PRXL2C: variants seen among roughly 807,000 people sequenced by gnomAD.
PRXL2C encodes peroxiredoxin-like 2C.
A neutral mutation model predicts 24.9 loss-of-function variants in PRXL2C; 38 were observed. The observed-to-expected ratio is 1.53, with a 90% CI of 1.18 to 2.00. PRXL2C has a LOEUF of 2.00. Among genes scored for constraint, PRXL2C ranks in the 30% most tolerant of loss-of-function variants. The probability of loss-of-function intolerance (pLI) is 0.00; values close to 1 mark genes in which losing one functional copy is unlikely to be tolerated. For synonymous variants in PRXL2C, 98 were observed against 117.2 expected, an observed-to-expected ratio of 0.84 and a Z score of 1.06; for missense variants, 294 against 290.9, an observed-to-expected ratio of 1.01 and a Z score of -0.08.
chr9:96,654,951 G>A (rs948299756), intron 1 of PRXL2C, 139 bp downstream of exon 1: 24 of 1,215,976 alleles, frequency 2.0e-5, no homozygotes, highest in African/African-American at 3.2e-5. Flanking sequence ...TCCCTGCCCC[G>A]CCCTAGTTGG....
chr9:96,644,183 C>T (rs182695822), intron 5 of PRXL2C, among the ~76,000 whole-genome samples: 45 of 148,118 alleles, frequency 3.0e-4, no homozygotes, highest in Admixed American at 9.4e-4. Flanking sequence ...ACTCATATAA[C>T]TCTTATAAGC....
chr9:96,649,128 C>T (rs1470996600), intron 4 of PRXL2C, among the ~76,000 whole-genome samples: 1 of 152,018 alleles, frequency 6.6e-6, no homozygotes, highest in Non-Finnish European at 1.5e-5. Context: ...TGTTACAGCA[C>T]ATGAAAACTG....
chr9:96,645,797 GAAAAA>G, intron 5 of PRXL2C, 91 bp downstream of exon 5: 14 of 1,106,234 alleles, frequency 1.3e-5, no homozygotes, highest in East Asian at 3.0e-5. Context: ...ACTCCCTCTC[GAAAAA>G]AAAAAAAAAG....
At chr9:96,653,840 GTT>G (rs532978133) in intron 2 of PRXL2C, among the ~76,000 whole-genome samples, 1 of 146,966 alleles carries the variant, frequency 6.8e-6, no homozygotes, top group African/African-American at 2.5e-5. Flanking sequence ...CTGTAGCACA[GTT>G]TTTTTTTTTT....
intron 2 of PRXL2C, among the ~76,000 whole-genome samples, 160 bp downstream of exon 2, chr9:96,654,545 G>T (rs1022711350): frequency 7.9e-5 from 12 of 152,224 alleles, no homozygotes; most frequent in Admixed American, 5.2e-4. Flanking sequence ...GGCAGAAATA[G>T]ATCTCTGACG....
In PRXL2C at chr9:96,641,288, T is replaced by C. The variant is rs1481486414; in HGVS notation, c.*471A>G. 1 of 152,242 alleles carries C rather than the reference T, an allele frequency of 6.6e-6. No homozygotes were observed. The highest frequency in any genetic ancestry group is 1.5e-5 in the Non-Finnish European group (1 of 68,072). The allele number at this position is 152,242 out of a possible 1,614,324, so 9.4% of individuals were successfully genotyped here. Reference sequence around the variant, plus strand: ...ACATTTTGGTGTTTATTTCCTGTCTTTTTCCAAAGCATACAAAAATACAAA... The same window carrying C: ...ACATTTTGGTGTTTATTTCCTGTCTCTTTCCAAAGCATACAAAAATACAAA... On this transcript the variant is annotated 3_prime_UTR_variant, in exon 6 of 6. Coordinates refer to ENST00000375234, the MANE Select transcript of PRXL2C (RefSeq NM_153698.2).
chr9:96,655,223 G>A lies in PRXL2C; in HGVS notation c.59C>T (p.Ala20Val), dbSNP rs1848338247. Residue 20 changes from alanine to valine, a missense_variant, in exon 1 of 6, where the codon GCC becomes GTC. Coordinates refer to ENST00000375234, the MANE Select transcript of PRXL2C (RefSeq NM_153698.2). ...QVSGAAALVP[A>V]PSGPDSGQPL... The stretch of plus-strand genomic sequence containing the variant: ...CTGCCCGCTGTCGGGGCCGCTCGGG[G>A]CCGGGACCAGGGCGGCGGCGCCGCT... 1 of 1,153,806 alleles carries A rather than the reference G, an allele frequency of 8.7e-7. No homozygotes were observed. The highest frequency in any genetic ancestry group is 1.6e-5 in the African/African-American group (1 of 61,502). The allele number at this position is 1,153,806 out of a possible 1,614,324, so 71.5% of individuals were successfully genotyped here.
At chr9:96,646,065 C>A in intron 4 of PRXL2C, 41 bp from the exon 5 acceptor site, 1 of 1,540,020 alleles carries the variant, frequency 6.5e-7, no homozygotes, top group South Asian at 1.2e-5. Context: ...ATTTTATATT[C>A]AATTTGATAT....
chr9:96,648,392 T>C (rs1848223727), intron 4 of PRXL2C, among the ~76,000 whole-genome samples: 3 of 152,162 alleles, frequency 2.0e-5, no homozygotes, highest in Non-Finnish European at 4.4e-5. Flanking sequence ...CAGTACTCCC[T>C]TGTATGTAAT....
At chr9:96,647,049 C>G in intron 4 of PRXL2C, among the ~76,000 whole-genome samples, 1 of 152,142 alleles carries the variant, frequency 6.6e-6, no homozygotes, top group African/African-American at 2.4e-5. Flanking sequence ...CTTGGCCTCC[C>G]AAAGTGCTGG....
rs186227903 is a variant in PRXL2C, at chr9:96,652,854, C to T, written c.262-1142G>A. ...AGTATGTTGAAGAGATATCTGCACT[C>T]CCATGTTTTATTACAGCATGATTCA... On this transcript the variant is annotated intron_variant, in intron 2 of 5. Coordinates refer to ENST00000375234, the MANE Select transcript of PRXL2C (RefSeq NM_153698.2). 2.0e-4 allele frequency among the ~76,000 whole-genome samples: 31 copies of T among 152,302 alleles called. 1 individual carries two copies. Among genetic ancestry groups the T allele is most frequent in the South Asian group, 4.2e-4 (2 of 4,818 alleles).
intron 5 of PRXL2C, among the ~76,000 whole-genome samples, chr9:96,645,623 C>T (rs1019764826): frequency 2.6e-5 from 4 of 151,750 alleles, no homozygotes; most frequent in Non-Finnish European, 5.9e-5. Flanking sequence ...CGGTGAAACC[C>T]CGTCTCTACT....
chr9:96,643,280 C>G (rs1203458747), intron 5 of PRXL2C, among the ~76,000 whole-genome samples: 1 of 152,064 alleles, frequency 6.6e-6, no homozygotes, highest in Non-Finnish European at 1.5e-5. Flanking sequence ...GTGTCTTGGT[C>G]TCTCGCCCAG....
At chr9:96,652,656 GA>G (rs1234370254) in intron 2 of PRXL2C, among the ~76,000 whole-genome samples, 7 of 152,118 alleles carry the variant, frequency 4.6e-5, no homozygotes, top group African/African-American at 1.4e-4. Context: ...TAAGATGCAA[GA>G]TAAGTGTTGG....
intron 5 of PRXL2C, among the ~76,000 whole-genome samples, chr9:96,645,003 T>C (rs1848173749): frequency 1.4e-5 from 2 of 143,112 alleles, no homozygotes; most frequent in Non-Finnish European, 3.0e-5. Context: ...GCCTCCCAGG[T>C]TCACGCCAGT....
At chr9:96,643,184 G>C (rs544706485) in intron 5 of PRXL2C, among the ~76,000 whole-genome samples, 3 of 152,298 alleles carry the variant, frequency 2.0e-5, no homozygotes, top group South Asian at 4.1e-4. Flanking sequence ...CATGGATGCT[G>C]AGGGATGACT....
intron 5 of PRXL2C, among the ~76,000 whole-genome samples, chr9:96,643,157 T>A (rs1848141327): frequency 6.6e-6 from 1 of 152,154 alleles, no homozygotes; most frequent in African/African-American, 2.4e-5. Flanking sequence ...CCACTGCAGG[T>A]CCAGGAACCA....
intron 4 of PRXL2C, among the ~76,000 whole-genome samples, chr9:96,650,386 G>C (rs184042151): frequency 4.6e-5 from 7 of 152,282 alleles, no homozygotes; most frequent in Non-Finnish European, 7.4e-5. Flanking sequence ...TACAACTCAA[G>C]TTTTCTAAGC....
Position 96,641,901 on chromosome 9 carries a change from G to T in PRXL2C, c.554-15C>A. The T allele has an allele frequency of 6.8e-7, 1 of 1,467,438 alleles. No homozygotes were observed. The highest frequency in any genetic ancestry group is 9.2e-7 in the Non-Finnish European group (1 of 1,090,028). 90.9% of individuals were successfully genotyped at this position (1,467,438 alleles called of 1,614,324 possible). ...GATGTTGTTACCTAGAAGAGAATAA[G>T]AATAAAAGGCTGAGGCATAGTATTA... On this transcript the variant is annotated splice_polypyrimidine_tract_variant and intron_variant, in intron 5 of 5. Transcript: ENST00000375234.
Sources: allele counts gnomAD v4.1 joint callset (sites outside exome capture counted in the v4.1 genomes callset), GRCh38; gene constraint gnomAD v4.1.1; transcripts MANE v1.5; gene names NCBI Gene and HGNC (gene_info 2026-07-23, HGNC 2026-07-21).